Variants in MYO3B observed in about 807,000 individuals in gnomAD.
The protein encoded by MYO3B is myosin IIIB, also known as myosin-IIIb.
In MYO3B, 156 loss-of-function variants were observed where a neutral mutation model predicts 174.6. The observed-to-expected ratio is 0.89, with a 90% confidence interval of 0.78 to 1.02. The LOEUF is 1.02. MYO3B is among the 50% of genes least tolerant of loss of function. MYO3B has a pLI of 0.00. For missense variants in MYO3B, 1,632 were observed against 1,639.4 expected, an observed-to-expected ratio of 1.00 and a Z score of 0.08; for synonymous variants, 563 against 569.1, an observed-to-expected ratio of 0.99 and a Z score of 0.15.
At chr2:170,400,398 G>T in intron 17 of MYO3B, 84 bp downstream of exon 17, 11 of 1,376,058 alleles carry the variant, frequency 8.0e-6, no homozygotes, top group South Asian at 3.1e-5. Context: ...AGCATTTGCT[G>T]GTCCTTTTTT....
intron 23 of MYO3B, among the ~76,000 whole-genome samples, chr2:170,460,228 G>A (rs1329487993): frequency 6.6e-6 from 1 of 152,036 alleles, no homozygotes; most frequent in Non-Finnish European, 1.5e-5. Flanking sequence ...GGTGGCTCAC[G>A]CCTGTAAACC....
intron 7 of MYO3B, among the ~76,000 whole-genome samples, chr2:170,308,661 G>T (rs943660472): frequency 1.3e-5 from 2 of 151,914 alleles, no homozygotes; most frequent in Non-Finnish European, 2.9e-5. Flanking sequence ...TTCTCCCCAG[G>T]ATCCTTTTCT....
chr2:170,640,433 G>T (rs1199867962), intron 32 of MYO3B: 1 of 152,122 alleles, frequency 6.6e-6, no homozygotes, highest in Non-Finnish European at 1.5e-5. Context: ...CCTCTAATAA[G>T]TGCTGAGGTG....
At chr2:170,368,023 G>A (rs1574859862) in intron 8 of MYO3B, among the ~76,000 whole-genome samples, 1 of 152,294 alleles carries the variant, frequency 6.6e-6, no homozygotes, top group Non-Finnish European at 1.5e-5. Flanking sequence ...ATCTTTTCAG[G>A]ACTAGAAGGT....
chr2:170,182,223 A>G (rs1278787877), intron 1 of MYO3B, among the ~76,000 whole-genome samples: 1 of 152,022 alleles, frequency 6.6e-6, no homozygotes. Context: ...TTTCTTGCCT[A>G]CACCAAGACT....
chr2:170,267,979 G>A (rs182045424), intron 7 of MYO3B, among the ~76,000 whole-genome samples: 3 of 152,136 alleles, frequency 2.0e-5, no homozygotes, highest in Admixed American at 6.5e-5. Flanking sequence ...AGGCCGAGGC[G>A]GGTGGATTAC....
At chr2:170,232,066 C>T (rs1055243302) in intron 6 of MYO3B, among the ~76,000 whole-genome samples, 2 of 152,174 alleles carry the variant, frequency 1.3e-5, no homozygotes, top group East Asian at 1.9e-4. Flanking sequence ...GTCCCAAAGA[C>T]GTGCACTTAC....
chr2:170,618,323 A>C (rs1000179251), intron 32 of MYO3B, among the ~76,000 whole-genome samples: 4 of 152,182 alleles, frequency 2.6e-5, no homozygotes, highest in Non-Finnish European at 5.9e-5. Context: ...CTGTGGCGTA[A>C]CAGAGGTAGA....
chr2:170,538,825 A>G (rs995285894), intron 30 of MYO3B, among the ~76,000 whole-genome samples: 1 of 152,170 alleles, frequency 6.6e-6, no homozygotes, highest in Non-Finnish European at 1.5e-5. Context: ...GAAATATGTG[A>G]TGAATTATAC....
chr2:170,563,592 T>G (rs1691880048), intron 32 of MYO3B, among the ~76,000 whole-genome samples: 1 of 152,154 alleles, frequency 6.6e-6, no homozygotes, highest in African/African-American at 2.4e-5. Context: ...TGTGCTTCAG[T>G]TAGGAATTAG....
intron 12 of MYO3B, among the ~76,000 whole-genome samples, chr2:170,385,153 C>A (rs1361622781): frequency 5.3e-5 from 8 of 152,116 alleles, no homozygotes; most frequent in Admixed American, 5.2e-4. Flanking sequence ...GCTTCCATGC[C>A]TTTTCTGGAC....
At chr2:170,303,633 T>C (rs2093680521) in intron 7 of MYO3B, among the ~76,000 whole-genome samples, 1 of 151,854 alleles carries the variant, frequency 6.6e-6, no homozygotes, top group Non-Finnish European at 1.5e-5. Context: ...GCTTTCCTAT[T>C]ATTAAAAAAA....
intron 25 of MYO3B, among the ~76,000 whole-genome samples, chr2:170,475,134 GAC>G (rs1685239947): frequency 6.6e-6 from 1 of 152,122 alleles, no homozygotes; most frequent in South Asian, 2.1e-4. Context: ...TCTTGCATTT[GAC>G]ACAGTTCTCT....
intron 1 of MYO3B, among the ~76,000 whole-genome samples, chr2:170,192,966 T>C (rs190680814): frequency 6.6e-6 from 1 of 151,920 alleles, no homozygotes; most frequent in Admixed American, 6.6e-5. Flanking sequence ...ATTTTTAAAA[T>C]TAAAATATCT....
At chr2:170,197,948 G>A (rs13400905) in intron 1 of MYO3B, among the ~76,000 whole-genome samples, 9,382 of 152,068 alleles carry the variant, frequency 0.062, 690 homozygotes, top group East Asian at 0.3. Flanking sequence ...AGACATGGGC[G>A]AATCAGCCAC....
At chr2:170,625,424 A>G (rs1696324630) in intron 32 of MYO3B, among the ~76,000 whole-genome samples, 1 of 151,742 alleles carries the variant, frequency 6.6e-6, no homozygotes, top group African/African-American at 2.4e-5. Context: ...GCCCTTTATC[A>G]CATCTATTTG....
chr2:170,375,283 T>C (rs1436644922), intron 9 of MYO3B, among the ~76,000 whole-genome samples: 1 of 152,110 alleles, frequency 6.6e-6, no homozygotes. Flanking sequence ...TTACAAGGGT[T>C]ATTGGGAGAA....
chr2:170,580,718 A>ATATATGTGTGTG (rs768974458), intron 32 of MYO3B, among the ~76,000 whole-genome samples: 122 of 142,774 alleles, frequency 8.5e-4, no homozygotes, highest in African/African-American at 1.5e-3. Flanking sequence ...AACCTTATAT[A>ATATATGTGTGTG]TGTGTGTGTG....
chr2:170,549,069 G>A (rs1690717152), intron 32 of MYO3B, among the ~76,000 whole-genome samples: 3 of 152,122 alleles, frequency 2.0e-5, no homozygotes, highest in Admixed American at 2.0e-4. Context: ...TAAAAGAACA[G>A]GAACTCTTAT....
Sources: allele counts gnomAD v4.1 joint callset (sites outside exome capture counted in the v4.1 genomes callset), GRCh38; gene constraint gnomAD v4.1.1; transcripts MANE v1.5; gene names NCBI Gene and HGNC (gene_info 2026-07-23, HGNC 2026-07-21).